The following YWHAG variants were observed in gnomAD, a reference collection of about 807,000 sequenced individuals.
The protein encoded by YWHAG is 14-3-3 protein gamma.
A neutral mutation model predicts 23.3 loss-of-function variants in YWHAG; 1 was observed. The observed-to-expected ratio is 0.04, with a 90% CI of 0.02 to 0.20. The LOEUF is 0.20. Among genes scored for constraint, YWHAG ranks in the 10% least tolerant of loss-of-function variants. YWHAG has a pLI of 1.00. For synonymous variants in YWHAG, 160 were observed against 144.0 expected, an observed-to-expected ratio of 1.11 and a Z score of -0.80; for missense variants, 151 against 338.6, an observed-to-expected ratio of 0.45 and a Z score of 4.35.
chr7:76,356,850 A>G (rs60479838), intron 1 of YWHAG, among the ~76,000 whole-genome samples: 4,127 of 152,266 alleles, frequency 0.027, 201 homozygotes, highest in African/African-American at 0.093. Context: ...ATTCTCATCT[A>G]GTGGAATATG....
chr7:76,329,489 T>TACCCC lies in YWHAG; in HGVS notation c.*87_*88insGGGGT. The TACCCC allele has an allele frequency of 9.8e-7, 1 of 1,024,228 alleles. No individual in the cohort carries two copies. The highest frequency in any genetic ancestry group is 1.4e-6 in the Non-Finnish European group (1 of 740,082). 63.4% of individuals were successfully genotyped at this position (1,024,228 alleles called of 1,614,324 possible). ...TCCCTGGGAAGGTCATCCCTCCCTT[T>TACCCC]CCCTCCCCCACCCGACCCCCAACTC... On this transcript the variant is annotated 3_prime_UTR_variant, in exon 2 of 2. Transcript: ENST00000307630. This position sits in a 1 kb window ranked among gnomAD's most constrained non-coding sequence, Gnocchi z 6.1.
chr7:76,328,444 T>TAAGG lies in YWHAG; in HGVS notation c.*1129_*1132dup, dbSNP rs1803486242. The TAAGG allele has an allele frequency of 6.6e-6, 1 of 152,166 alleles. No individual in the cohort carries two copies. Among genetic ancestry groups the TAAGG allele is most frequent in the Non-Finnish European group, 1.5e-5 (1 of 68,034 alleles). The allele number at this position is 152,166 out of a possible 1,614,324, so 9.4% of individuals were successfully genotyped here. A position where few individuals can be genotyped will look rare whatever the true frequency, so the allele number is the denominator to read the frequency against. On this transcript the variant is annotated 3_prime_UTR_variant, in exon 2 of 2. Coordinates refer to ENST00000307630, the MANE Select transcript of YWHAG (RefSeq NM_012479.4). Reference sequence around the variant, plus strand: ...GGCTCCCGAAATTGGACAGAATGGTTAAGGATATAGCTCTTCCTTTTGGGT... The same window carrying TAAGG: ...GGCTCCCGAAATTGGACAGAATGGTTAAGGAAGGATATAGCTCTTCCTTTTGGGT...
intron 1 of YWHAG, among the ~76,000 whole-genome samples, chr7:76,336,612 G>A (rs1355116265): frequency 2.6e-5 from 4 of 151,832 alleles, no homozygotes; most frequent in African/African-American, 7.3e-5. Context: ...CCACCACCAC[G>A]CCTGGCTAAA....
rs891771966 is a variant in YWHAG, at chr7:76,347,604, A to AC, written c.87+11117_87+11118insG. 2.6e-4 allele frequency among the ~76,000 whole-genome samples: 39 copies of AC among 151,794 alleles called. No homozygotes were observed. In the East Asian group the frequency reaches 3.3e-3, roughly 13 times the overall value. On this transcript the variant is annotated intron_variant, in intron 1 of 1. Transcript: ENST00000307630. The stretch of plus-strand genomic sequence containing the variant: ...TCAGTGTCAGCAAACAAACAAACAA[A>AC]AAAAACACTCAAATGTCTACGAAAA...
chr7:76,341,930 C>G (rs1803701535), intron 1 of YWHAG, among the ~76,000 whole-genome samples: 1 of 152,186 alleles, frequency 6.6e-6, no homozygotes, highest in Non-Finnish European at 1.5e-5. Flanking sequence ...CACTATACGA[C>G]AGTTTATATA....
At chr7:76,334,321 G>T (rs1803587100) in intron 1 of YWHAG, among the ~76,000 whole-genome samples, 2 of 152,178 alleles carry the variant, frequency 1.3e-5, no homozygotes, top group Admixed American at 1.3e-4. Context: ...TGTCTAAAAT[G>T]ATTTAATCAA....
At chr7:76,339,493 GTAA>G (rs879820247) in intron 1 of YWHAG, among the ~76,000 whole-genome samples, 6 of 151,884 alleles carry the variant, frequency 4.0e-5, no homozygotes, top group Non-Finnish European at 5.9e-5. Flanking sequence ...AAAAATAATA[GTAA>G]TAATAATGTA....
At chr7:76,338,412 C>T (rs1039522126) in intron 1 of YWHAG, among the ~76,000 whole-genome samples, 1 of 152,132 alleles carries the variant, frequency 6.6e-6, no homozygotes, top group Non-Finnish European at 1.5e-5. Context: ...CTGGGTTTGG[C>T]TGACAGCGCC....
intron 1 of YWHAG, among the ~76,000 whole-genome samples, chr7:76,346,196 C>T (rs1281195135): frequency 6.6e-6 from 1 of 152,172 alleles, no homozygotes; most frequent in Non-Finnish European, 1.5e-5. Flanking sequence ...ACCCTGATGA[C>T]CGCTCTTTCC....
chr7:76,327,553 T>C lies in YWHAG; in HGVS notation c.*2024A>G, dbSNP rs1185976272. On this transcript the variant is annotated 3_prime_UTR_variant, in exon 2 of 2. Transcript: ENST00000307630. ...AAAGCAGCCAGAGCCAAAGCTGAAATTTAAAGGAAAAATAGGTTTTGTAAT... is the reference window on the plus strand; with the variant it reads ...AAAGCAGCCAGAGCCAAAGCTGAAACTTAAAGGAAAAATAGGTTTTGTAAT... 1 of 152,242 alleles carries C rather than the reference T, an allele frequency of 6.6e-6. No individual in the cohort carries two copies. Among genetic ancestry groups the C allele is most frequent in the Non-Finnish European group, 1.5e-5 (1 of 68,010 alleles). 9.4% of individuals were successfully genotyped at this position (152,242 alleles called of 1,614,324 possible).
intron 1 of YWHAG, among the ~76,000 whole-genome samples, chr7:76,358,039 C>A (rs571063038): frequency 6.6e-6 from 1 of 152,250 alleles, no homozygotes; most frequent in South Asian, 2.1e-4. Flanking sequence ...AAAACGCTAG[C>A]GAGACAAACG....
intron 1 of YWHAG, among the ~76,000 whole-genome samples, chr7:76,334,679 G>T (rs567887639): frequency 2.6e-5 from 4 of 151,356 alleles, no homozygotes; most frequent in Admixed American, 1.3e-4. Flanking sequence ...GCCTCCTAAA[G>T]TTCTGGGATT....
At chr7:76,346,572 A>G (rs1803782639) in intron 1 of YWHAG, among the ~76,000 whole-genome samples, 1 of 152,168 alleles carries the variant, frequency 6.6e-6, no homozygotes, top group African/African-American at 2.4e-5. Flanking sequence ...TCAGCAGAAC[A>G]CCAGAATTCA....
chr7:76,327,668 G>GCCCC lies in YWHAG; in HGVS notation c.*1905_*1908dup, dbSNP rs71085403. 226 of 47,092 alleles carry GCCCC rather than the reference G, an allele frequency of 4.8e-3. 1 individual carries two copies. Among genetic ancestry groups the GCCCC allele is most frequent in the African/African-American group, 5.3e-3 (42 of 7,890 alleles). 2.9% of individuals were successfully genotyped at this position (47,092 alleles called of 1,614,324 possible). ...AATTAGGGAAAGCCCCACCTACCCT[G>GCCCC]CCCCCCCCCCCCTCCCCCCCCAAAT... On this transcript the variant is annotated 3_prime_UTR_variant, in exon 2 of 2. Coordinates refer to ENST00000307630, the MANE Select transcript of YWHAG (RefSeq NM_012479.4).
chr7:76,347,927 T>C (rs111693051), intron 1 of YWHAG, among the ~76,000 whole-genome samples: 2,160 of 152,314 alleles, frequency 0.014, 35 homozygotes, highest in South Asian at 0.059. Context: ...TCTCCTTTGT[T>C]AAATGACATT....
chr7:76,345,747 C>T (rs1033824727), intron 1 of YWHAG, among the ~76,000 whole-genome samples: 3 of 151,924 alleles, frequency 2.0e-5, no homozygotes, highest in Non-Finnish European at 4.4e-5. Context: ...ACCGGCCTGG[C>T]CAACATGGTG....
chr7:76,348,421 ATTTTTTT>A lies in YWHAG; in HGVS notation c.87+10294_87+10300del, dbSNP rs35576700. 8.4e-5 allele frequency among the ~76,000 whole-genome samples: 11 copies of A among 130,966 alleles called. No homozygotes were observed. The East Asian group carries it at 2.0e-3, about 24-fold the overall frequency. 85.9% of individuals were successfully genotyped at this position (130,966 alleles called of 152,430 possible). A position where few individuals can be genotyped will look rare whatever the true frequency, so the allele number is the denominator to read the frequency against. On this transcript the variant is annotated intron_variant, in intron 1 of 1. Transcript: ENST00000307630. ...TAGGCGCACGCCACCATGCCCGCTA[ATTTTTTT>A]TTTTTTTTTTTTTGAGACAGTCTCA...
chr7:76,338,031 T>C (rs1434557089), intron 1 of YWHAG, among the ~76,000 whole-genome samples: 2 of 151,878 alleles, frequency 1.3e-5, no homozygotes, highest in Non-Finnish European at 1.5e-5. Flanking sequence ...CCACTACTTA[T>C]CAAATAATTA....
intron 1 of YWHAG, among the ~76,000 whole-genome samples, chr7:76,331,418 A>ATCCAAAAAGATC (rs778693963): frequency 6.6e-6 from 1 of 152,190 alleles, no homozygotes; most frequent in Non-Finnish European, 1.5e-5. Flanking sequence ...GGGACCTAGA[A>ATCCAAAAAGATC]TCCAAAAAGA....
Sources: gnomAD v4.1 joint callset for allele counts (sites outside exome capture counted in the v4.1 genomes callset) on GRCh38, gnomAD v4.1.1 for gene constraint, Gnocchi (gnomAD v3.1) non-coding constraint, MANE v1.5 for transcripts, NCBI Gene and HGNC (gene_info 2026-07-23, HGNC 2026-07-21) for gene names.